The following CACNA2D4 variants were observed in gnomAD, a reference collection of about 807,000 sequenced individuals.
CACNA2D4 encodes voltage-dependent calcium channel subunit alpha-2/delta-4.
Under a neutral mutation model 163.8 loss-of-function variants are expected in CACNA2D4, and 157 were observed. The ratio of observed to expected loss-of-function variants is 0.96; its 90% CI spans 0.84 to 1.09. CACNA2D4 has a LOEUF of 1.09. CACNA2D4 is among the 50% of genes least tolerant of loss of function. CACNA2D4 has a pLI of 0.00. For synonymous variants in CACNA2D4, 598 were observed against 586.9 expected (o/e 1.02, Z -0.27); for missense variants, 1,410 against 1,479.9 (o/e 0.95, Z 0.78).
intron 6 of CACNA2D4, among the ~76,000 whole-genome samples, chr12:1,904,144 CT>C (rs1300635934): frequency 6.6e-6 from 1 of 151,960 alleles, no homozygotes; most frequent in African/African-American, 2.4e-5. Flanking sequence ...TCACGTCGCA[CT>C]TTTTTGTGGG....
rs1863281449 is a variant in CACNA2D4, at chr12:1,800,581, A to T, written c.2869-143T>A. 5 of 760,314 alleles carry T rather than the reference A, an allele frequency of 6.6e-6. No homozygotes were observed. The East Asian group carries it at 1.3e-4, about 21-fold the overall frequency. The allele number at this position is 760,314 out of a possible 1,614,324, so 47.1% of individuals were successfully genotyped here. On this transcript the variant is annotated intron_variant, in intron 31 of 37. Coordinates refer to ENST00000382722, the MANE Select transcript of CACNA2D4 (RefSeq NM_172364.5). The stretch of plus-strand genomic sequence containing the variant: ...CAGGGGCAGCAGAGCACAGGCCAGC[A>T]GCCCAGCACCCCCCATCCCCCCACC...
intron 18 of CACNA2D4, among the ~76,000 whole-genome samples, chr12:1,864,653 G>A (rs1440883501): frequency 1.3e-5 from 2 of 152,164 alleles, no homozygotes; most frequent in East Asian, 3.9e-4. Context: ...CGCCGCCGAC[G>A]GCGATGGGGA....
chr12:1,880,052 G>T (rs1865962042), intron 13 of CACNA2D4, among the ~76,000 whole-genome samples, 171 bp from the exon 14 acceptor site: 4 of 152,368 alleles, frequency 2.6e-5, no homozygotes, highest in Admixed American at 2.0e-4. Flanking sequence ...TGCAAAAGGA[G>T]AGTTGGCAGG....
intron 23 of CACNA2D4, among the ~76,000 whole-genome samples, chr12:1,852,447 GT>G (rs1865302922): frequency 6.6e-6 from 1 of 152,068 alleles, no homozygotes; most frequent in African/African-American, 2.4e-5. Flanking sequence ...AGGTGGGAGG[GT>G]TGTTTGAGGC....
rs1260986274 is a variant in CACNA2D4, at chr12:1,883,390, G to T, written c.1352-390C>A. On this transcript the variant is annotated intron_variant, in intron 12 of 37. Transcript: ENST00000382722. The surrounding 1 kb of genome is among the most constrained non-coding windows in gnomAD (Gnocchi z 4.5). ...TCTGCCACTCTTAGGTCTCTTCAGG[G>T]AACCCAATCAGAGGCAGAGATTTCT... Among the ~76,000 whole-genome samples the T allele has an allele frequency of 6.6e-6, 1 of 152,148 alleles. No homozygotes were observed. The highest frequency in any genetic ancestry group is 1.5e-5 in the Non-Finnish European group (1 of 68,022).
At chr12:1,817,536 C>G (rs888979936) in intron 26 of CACNA2D4, among the ~76,000 whole-genome samples, 1 of 152,198 alleles carries the variant, frequency 6.6e-6, no homozygotes, top group Non-Finnish European at 1.5e-5. Context: ...GATGCCGAGC[C>G]GAAGCTGGAC....
intron 37 of CACNA2D4, among the ~76,000 whole-genome samples, chr12:1,793,989 G>T (rs1863044002): frequency 6.6e-6 from 1 of 152,168 alleles, no homozygotes; most frequent in South Asian, 2.1e-4. Context: ...CAGGCTTGGA[G>T]TGGCTGCGAG....
chr12:1,846,081 C>G (rs1174915275), intron 24 of CACNA2D4, among the ~76,000 whole-genome samples: 1 of 152,136 alleles, frequency 6.6e-6, no homozygotes, highest in African/African-American at 2.4e-5. Flanking sequence ...GAGTGGGTGG[C>G]TCAAGAAGGC....
At chr12:1,904,157 G>C (rs1233250960) in intron 6 of CACNA2D4, among the ~76,000 whole-genome samples, 1 of 151,910 alleles carries the variant, frequency 6.6e-6, no homozygotes, top group Admixed American at 6.6e-5. Flanking sequence ...TTTTGTGGGG[G>C]CTAAAAATTA....
intron 26 of CACNA2D4, 32 bp from the exon 27 acceptor site, chr12:1,811,755 G>T: frequency 6.5e-7 from 1 of 1,550,102 alleles, no homozygotes; most frequent in Admixed American, 1.9e-5. Context: ...GGCAAGGCCA[G>T]GGAAGAGACG....
At chr12:1,808,882 G>T (rs1290505003) in intron 29 of CACNA2D4, among the ~76,000 whole-genome samples, 1 of 152,230 alleles carries the variant, frequency 6.6e-6, no homozygotes, top group Admixed American at 6.5e-5. Context: ...TGTCTGGGGA[G>T]GAGTGAAATG....
At chr12:1,881,130 A>T (rs1865986595) in intron 13 of CACNA2D4, among the ~76,000 whole-genome samples, 1 of 152,154 alleles carries the variant, frequency 6.6e-6, no homozygotes, top group South Asian at 2.1e-4. Flanking sequence ...CAGGGACAGG[A>T]GAGGGAAGGA....
intron 30 of CACNA2D4, 141 bp downstream of exon 30, chr12:1,801,433 A>T: frequency 1.3e-6 from 1 of 745,428 alleles, no homozygotes; most frequent in South Asian, 1.6e-5. Context: ...CCCTGGCTCC[A>T]TAAAGGTTGC....
At position 1,887,165 on chromosome 12, in the gene CACNA2D4, G is replaced by A. The variant is rs577674558; in HGVS notation, c.782-96C>T. 2.8e-5 allele frequency: 22 copies of A among 797,170 alleles called. No homozygotes were observed. In the African/African-American group the frequency reaches 3.4e-4, roughly 12 times the overall value. The allele number at this position is 797,170 out of a possible 1,614,324, so 49.4% of individuals were successfully genotyped here. ...CCCCCAAGATGGCCATGATCCCCAG[G>A]GCAGAACAGCTTTGGAGCTAGGGAA... On this transcript the variant is annotated intron_variant, in intron 6 of 37. Transcript: ENST00000382722.
chr12:1,905,386 A>G (rs1056294919), intron 6 of CACNA2D4, among the ~76,000 whole-genome samples: 1 of 152,160 alleles, frequency 6.6e-6, no homozygotes, highest in African/African-American at 2.4e-5. Flanking sequence ...AAAGAAATAA[A>G]TGACATTCAA....
intron 25 of CACNA2D4, among the ~76,000 whole-genome samples, chr12:1,841,769 G>A (rs544698418): frequency 6.6e-6 from 1 of 152,352 alleles, no homozygotes; most frequent in South Asian, 2.1e-4. Flanking sequence ...TGACAACAGT[G>A]TCAATTGTCC....
chr12:1,882,344 G>A (rs996765813), intron 13 of CACNA2D4, among the ~76,000 whole-genome samples: 1 of 152,210 alleles, frequency 6.6e-6, no homozygotes, highest in South Asian at 2.1e-4. Flanking sequence ...CTATGTGATG[G>A]GGATTTGAGA....
intron 9 of CACNA2D4, 133 bp from the exon 10 acceptor site, chr12:1,885,209 T>C (rs1866107112): frequency 1.3e-6 from 1 of 755,824 alleles, no homozygotes; most frequent in African/African-American, 1.7e-5. Flanking sequence ...GTCTCCATGA[T>C]GCAGTTCATG....
chr12:1,913,370 G>C (rs1866882995), intron 2 of CACNA2D4, among the ~76,000 whole-genome samples: 1 of 152,202 alleles, frequency 6.6e-6, no homozygotes, highest in Non-Finnish European at 1.5e-5. Context: ...ACGCATTGCA[G>C]TTATAGCCTT....
Sources: allele counts gnomAD v4.1 joint callset (sites outside exome capture counted in the v4.1 genomes callset), GRCh38; gene constraint gnomAD v4.1.1; non-coding constraint Gnocchi (gnomAD v3.1); transcripts MANE v1.5; gene names NCBI Gene and HGNC (gene_info 2026-07-23, HGNC 2026-07-21).